The following SYCP1 variants were observed in gnomAD, a reference collection of about 807,000 sequenced individuals.
SYCP1 encodes the protein cancer/testis antigen 8.
SYCP1 carries 64 observed loss-of-function variants against 153.1 expected under a neutral mutation model. That is an observed-to-expected ratio of 0.42 (90% CI 0.34 to 0.51). The LOEUF (loss-of-function observed/expected upper bound fraction) is 0.51. Among genes scored for constraint, SYCP1 ranks in the 20% least tolerant of loss-of-function variants. The pLI is 0.06. For synonymous variants in SYCP1, 384 were observed against 341.8 expected, an observed-to-expected ratio of 1.12 and a Z score of -1.36; for missense variants, 997 against 1,049.0, an observed-to-expected ratio of 0.95 and a Z score of 0.68.
intron 12 of SYCP1, among the ~76,000 whole-genome samples, chr1:114,879,098 T>C (rs956771663): frequency 9.2e-5 from 14 of 152,158 alleles, no homozygotes; most frequent in African/African-American, 3.1e-4. Context: ...ACAGATGAAA[T>C]TGTAAAAGAT....
At chr1:114,922,226 ATC>A (rs1297582125) in intron 20 of SYCP1, among the ~76,000 whole-genome samples, 2 of 152,006 alleles carry the variant, frequency 1.3e-5, no homozygotes, top group Non-Finnish European at 2.9e-5. Context: ...TTCTACCCTT[ATC>A]TCTGTCTCTA....
intron 21 of SYCP1, 66 bp downstream of exon 21, chr1:114,923,596 T>G (rs372381795): frequency 7.9e-6 from 11 of 1,399,030 alleles, no homozygotes; most frequent in Middle Eastern, 2.4e-4. Flanking sequence ...ACCATATGTC[T>G]AAACTAAAAT....
chr1:114,955,238 A>C (rs992573471), intron 27 of SYCP1, among the ~76,000 whole-genome samples: 1 of 152,142 alleles, frequency 6.6e-6, no homozygotes, highest in African/African-American at 2.4e-5. Flanking sequence ...CCCTAGAATA[A>C]ATCCCATTTG....
chr1:114,858,838 C>A (rs1297317981), intron 6 of SYCP1, 127 bp downstream of exon 6: 2 of 861,246 alleles, frequency 2.3e-6, no homozygotes, highest in South Asian at 2.2e-5. Flanking sequence ...AAGGATAATG[C>A]TTTTTAAAAG....
Position 114,910,412 on chromosome 1 carries a change from CT to C in SYCP1, c.1340del (p.Leu447TyrfsTer14). ...TTATAAATAGGGAGAAAAGGAAACA[CT>C]TTTATATGAAAATAAACAATTTGAG... Reference protein sequence around the residue: ...LKKVLGEKETLLYENKQFEKI... With the variant: ...LKKVLGEKETXLYENKQFEKI... On this transcript the variant is annotated frameshift_variant, in exon 17 of 32. Coordinates refer to ENST00000369522, the MANE Select transcript of SYCP1 (RefSeq NM_003176.4). LOFTEE classifies it high-confidence loss of function. 6.3e-7 allele frequency: 1 copy of C among 1,593,712 alleles called. No homozygotes were observed. The highest frequency in any genetic ancestry group is 8.6e-7 in the Non-Finnish European group (1 of 1,169,190).
intron 12 of SYCP1, among the ~76,000 whole-genome samples, chr1:114,880,262 G>A (rs1665828314): frequency 6.6e-6 from 1 of 152,106 alleles, no homozygotes; most frequent in South Asian, 2.1e-4. Context: ...TTGCAAAATG[G>A]AAACTCTGTA....
At chr1:114,941,663 A>G (rs923486560) in intron 23 of SYCP1, among the ~76,000 whole-genome samples, 2 of 152,134 alleles carry the variant, frequency 1.3e-5, no homozygotes, top group Admixed American at 1.3e-4. Context: ...GTATTGTCCA[A>G]GAAGAAAGAA....
chr1:114,980,405 A>C (rs1228705625), intron 28 of SYCP1, among the ~76,000 whole-genome samples: 1 of 151,916 alleles, frequency 6.6e-6, no homozygotes, highest in Non-Finnish European at 1.5e-5. Context: ...TGAGTTGAAA[A>C]AATGTCAAGT....
intron 27 of SYCP1, among the ~76,000 whole-genome samples, chr1:114,948,346 G>A (rs555530576): frequency 6.6e-6 from 1 of 152,160 alleles, no homozygotes; most frequent in South Asian, 2.1e-4. Flanking sequence ...CTTTGACAGA[G>A]GTTACATTAT....
In SYCP1 at chr1:114,994,979, GAA is replaced by G. The variant is rs748774371; in HGVS notation, c.2900_2901del (p.Lys967ThrfsTer5). 7 of 1,404,936 alleles carry G rather than the reference GAA, an allele frequency of 5.0e-6. No individual in the cohort carries two copies. Among genetic ancestry groups the G allele is most frequent in the Non-Finnish European group, 6.8e-6 (7 of 1,028,938 alleles). The allele number at this position is 1,404,936 out of a possible 1,614,324, so 87.0% of individuals were successfully genotyped here. Reference sequence around the variant, plus strand: ...TGGGCTGTAATTGCTAAAATGGATAGAAAAAAAAAACTAAAAGAAGCTGAAAA... The same window carrying G: ...TGGGCTGTAATTGCTAAAATGGATAGAAAAAAAACTAAAAGAAGCTGAAAA... On this transcript the variant is annotated frameshift_variant, in exon 32 of 32. Transcript: ENST00000369522. LOFTEE classifies it high-confidence loss of function.
At chr1:114,859,698 T>C in intron 6 of SYCP1, 45 bp from the exon 7 acceptor site, 2 of 958,670 alleles carry the variant, frequency 2.1e-6, no homozygotes, top group Non-Finnish European at 1.4e-6. Flanking sequence ...TGTTTATTTT[T>C]GCTAATAAGC....
At chr1:114,936,303 G>A (rs1214312119) in intron 23 of SYCP1, among the ~76,000 whole-genome samples, 1 of 152,042 alleles carries the variant, frequency 6.6e-6, no homozygotes, top group Non-Finnish European at 1.5e-5. Context: ...GACAAAAATC[G>A]CATGATTATC....
intron 28 of SYCP1, among the ~76,000 whole-genome samples, chr1:114,978,065 T>C (rs1280527555): frequency 2.0e-5 from 3 of 151,556 alleles, no homozygotes; most frequent in Non-Finnish European, 3.0e-5. Flanking sequence ...TCTGAACCAA[T>C]TGAGAAAGAC....
intron 15 of SYCP1, among the ~76,000 whole-genome samples, chr1:114,893,431 C>G (rs1039559916): frequency 6.6e-6 from 1 of 152,078 alleles, no homozygotes; most frequent in Non-Finnish European, 1.5e-5. Flanking sequence ...CTTGCTAATT[C>G]AATCTTTAAA....
At chr1:114,875,174 A>ATGTGTGTG (rs60673306) in intron 9 of SYCP1, among the ~76,000 whole-genome samples, 2 of 139,646 alleles carry the variant, frequency 1.4e-5, no homozygotes, top group East Asian at 2.1e-4. Flanking sequence ...TGTATTTGAT[A>ATGTGTGTG]TGTGTGTGTG....
rs1331924377 is a variant in SYCP1, at chr1:114,923,492, G to A, written c.1762G>A (p.Asp588Asn). 6.3e-7 allele frequency: 1 copy of A among 1,592,326 alleles called. No homozygotes were observed. Residue 588 changes from aspartate to asparagine, a missense_variant, in exon 21 of 32, where the codon GAT becomes AAT. This residue lies in a region of SYCP1 where 712 missense variants were observed against 682.9 expected (regional missense o/e 1.04). Coordinates refer to ENST00000369522, the MANE Select transcript of SYCP1 (RefSeq NM_003176.4). ...GAGAGAAGAGCTAAAACAGAAAAGA[G>A]ATGAAGTTAAATGTAAATTGGACAA... ...YVREELKQKRDEVKCKLDKSE... is the reference protein window; with the variant it reads ...YVREELKQKRNEVKCKLDKSE...
At chr1:114,909,689 A>C (rs1254656069) in intron 16 of SYCP1, among the ~76,000 whole-genome samples, 1 of 152,154 alleles carries the variant, frequency 6.6e-6, no homozygotes. Context: ...TCTGACTTCC[A>C]TAGAGTAGTG....
At chr1:114,908,667 C>A (rs1264476788) in intron 16 of SYCP1, among the ~76,000 whole-genome samples, 3 of 151,696 alleles carry the variant, frequency 2.0e-5, no homozygotes, top group Non-Finnish European at 4.4e-5. Context: ...TTTTTTTTAC[C>A]AGCTCTAAAA....
At chr1:114,971,588 T>C (rs1302450651) in intron 27 of SYCP1, among the ~76,000 whole-genome samples, 1 of 152,204 alleles carries the variant, frequency 6.6e-6, no homozygotes, top group African/African-American at 2.4e-5. Flanking sequence ...ATACGGCTTT[T>C]ATTATGTTGA....
Sources: gnomAD v4.1 joint callset for allele counts (sites outside exome capture counted in the v4.1 genomes callset) on GRCh38, gnomAD v4.1.1 for gene constraint, gnomAD v4.1.1 regional missense constraint, MANE v1.5 for transcripts, NCBI Gene and HGNC (gene_info 2026-07-23, HGNC 2026-07-21) for gene names.